Variants in NR3C2 observed in about 807,000 individuals in gnomAD.
NR3C2 encodes the protein nuclear receptor subfamily 3 group C member 2, also known as mineralocorticoid receptor.
NR3C2 carries 15 observed loss-of-function variants against 86.4 expected under a neutral mutation model. The observed-to-expected ratio is 0.17, with a 90% confidence interval of 0.12 to 0.27. The LOEUF (loss-of-function observed/expected upper bound fraction) is 0.27. Among genes scored for constraint, NR3C2 ranks in the 10% least tolerant of loss-of-function variants. NR3C2 has a pLI of 1.00. For missense variants in NR3C2, 960 were observed against 1,195.6 expected (o/e 0.80, Z 2.91); for synonymous variants, 458 against 450.5 (o/e 1.02, Z -0.21).
chr4:148,146,196 A>G (rs570871516), intron 6 of NR3C2, among the ~76,000 whole-genome samples: 2 of 152,096 alleles, frequency 1.3e-5, no homozygotes, highest in Non-Finnish European at 2.9e-5. Flanking sequence ...CTGTCCCCCA[A>G]CCATCGCTGG....
chr4:148,383,629 G>C (rs1285894658), intron 2 of NR3C2, among the ~76,000 whole-genome samples: 1 of 152,086 alleles, frequency 6.6e-6, no homozygotes, highest in African/African-American at 2.4e-5. Context: ...ATAATCCAAG[G>C]ACACAGTTTA....
chr4:148,414,391 T>C (rs76592523), intron 2 of NR3C2, among the ~76,000 whole-genome samples: 1 of 152,272 alleles, frequency 6.6e-6, no homozygotes, highest in East Asian at 1.9e-4. Flanking sequence ...CAATGAAAAA[T>C]TAACATTTGT....
intron 6 of NR3C2, among the ~76,000 whole-genome samples, chr4:148,139,914 CATGT>C (rs1274959972): frequency 6.6e-6 from 1 of 152,220 alleles, no homozygotes; most frequent in African/African-American, 2.4e-5. Flanking sequence ...AATCATCTCT[CATGT>C]GATACAATAA....
chr4:148,124,790 T>C (rs374139755), intron 6 of NR3C2, among the ~76,000 whole-genome samples: 1 of 152,206 alleles, frequency 6.6e-6, no homozygotes, highest in East Asian at 1.9e-4. Context: ...TTTATCTCTC[T>C]GTACTGCATT....
At chr4:148,442,625 G>A (rs187615876), upstream of NR3C2, 23 of 985,198 alleles carry the variant, frequency 2.3e-5, no homozygotes, top group South Asian at 9.4e-5. Context: ...CACGGGTCAG[G>A]CGGGCTTCTT....
intron 2 of NR3C2, among the ~76,000 whole-genome samples, chr4:148,267,480 T>C (rs1199725416): frequency 6.6e-6 from 1 of 152,160 alleles, no homozygotes; most frequent in Non-Finnish European, 1.5e-5. Flanking sequence ...TCTACCATTC[T>C]GTATTATATT....
At chr4:148,310,498 G>GA (rs1008041660) in intron 2 of NR3C2, among the ~76,000 whole-genome samples, 3 of 152,136 alleles carry the variant, frequency 2.0e-5, no homozygotes, top group Admixed American at 2.0e-4. Flanking sequence ...CTTTAACTGA[G>GA]AAAACAAAGG....
chr4:148,345,878 AG>A (rs1358895461), intron 2 of NR3C2, among the ~76,000 whole-genome samples: 1 of 152,088 alleles, frequency 6.6e-6, no homozygotes, highest in East Asian at 1.9e-4. Context: ...CAGAGGTTAT[AG>A]CCCAGTAAAG....
intron 3 of NR3C2, among the ~76,000 whole-genome samples, chr4:148,248,951 G>A (rs577404685): frequency 6.6e-6 from 1 of 152,226 alleles, no homozygotes; most frequent in African/African-American, 2.4e-5. Context: ...GATGGGCAGG[G>A]CAGATACTTT....
intron 4 of NR3C2, among the ~76,000 whole-genome samples, chr4:148,190,839 C>T (rs1007816482): frequency 4.6e-5 from 7 of 152,176 alleles, no homozygotes; most frequent in Non-Finnish European, 1.0e-4. Flanking sequence ...CTTTTATACC[C>T]CTTTACTTTA....
At chr4:148,374,295 T>A (rs1233939763) in intron 2 of NR3C2, among the ~76,000 whole-genome samples, 1 of 152,236 alleles carries the variant, frequency 6.6e-6, no homozygotes, top group African/African-American at 2.4e-5. Flanking sequence ...GTTCTCATTA[T>A]TCATAAATTC....
intron 3 of NR3C2, among the ~76,000 whole-genome samples, chr4:148,216,365 T>G (rs745599450): frequency 6.6e-6 from 1 of 152,172 alleles, no homozygotes; most frequent in Non-Finnish European, 1.5e-5. Flanking sequence ...AGCACTTTAT[T>G]GGATCATTTA....
At chr4:148,211,463 G>A (rs1180404232) in intron 3 of NR3C2, among the ~76,000 whole-genome samples, 1 of 152,162 alleles carries the variant, frequency 6.6e-6, no homozygotes, top group Non-Finnish European at 1.5e-5. Flanking sequence ...TGCAGTTCTA[G>A]ATGTTTTTAA....
intron 2 of NR3C2, among the ~76,000 whole-genome samples, chr4:148,320,801 A>T (rs1195784467): frequency 6.7e-6 from 1 of 150,004 alleles, no homozygotes; most frequent in Non-Finnish European, 1.5e-5. Flanking sequence ...GCGGTCTATC[A>T]ATCTTGTTGA....
intron 4 of NR3C2, among the ~76,000 whole-genome samples, chr4:148,174,760 C>T (rs535984001): frequency 4.2e-4 from 64 of 152,230 alleles, no homozygotes; most frequent in African/African-American, 1.5e-3. Context: ...TGCCAGGGTC[C>T]CTCCTTCTCC....
intron 7 of NR3C2, among the ~76,000 whole-genome samples, chr4:148,114,515 A>G (rs1227374511): frequency 6.6e-6 from 1 of 152,220 alleles, no homozygotes; most frequent in Non-Finnish European, 1.5e-5. Flanking sequence ...ATATTATGAC[A>G]TAACTGTTAT....
intron 8 of NR3C2, among the ~76,000 whole-genome samples, chr4:148,112,292 T>A (rs1732078964): frequency 6.6e-6 from 1 of 152,226 alleles, no homozygotes; most frequent in Non-Finnish European, 1.5e-5. Flanking sequence ...TCAGAATGTT[T>A]CATCTATAAT....
intron 2 of NR3C2, among the ~76,000 whole-genome samples, chr4:148,329,581 TTAAG>T (rs1451050069): frequency 1.3e-5 from 2 of 152,222 alleles, no homozygotes; most frequent in Non-Finnish European, 2.9e-5. Flanking sequence ...GGTAATGCTT[TTAAG>T]TAATAAAAAA....
intron 2 of NR3C2, among the ~76,000 whole-genome samples, chr4:148,338,711 C>G (rs981002429): frequency 1.9e-4 from 29 of 152,136 alleles, no homozygotes; most frequent in African/African-American, 6.8e-4. Context: ...AAGAGGGTAT[C>G]TTCTCTGGAC....
Sources: gnomAD v4.1 joint callset for allele counts (sites outside exome capture counted in the v4.1 genomes callset) on GRCh38, gnomAD v4.1.1 for gene constraint, MANE v1.5 for transcripts, NCBI Gene and HGNC (gene_info 2026-07-23, HGNC 2026-07-21) for gene names.